The following STX11 variants were observed in gnomAD, a reference collection of about 807,000 sequenced individuals.
The protein encoded by STX11 is syntaxin 11.
STX11 carries 21 observed loss-of-function variants against 19.9 expected under a neutral mutation model. The observed-to-expected ratio is 1.06, with a 90% CI of 0.75 to 1.52. STX11 has a LOEUF of 1.52. Ranked by LOEUF, STX11 falls within the 40% of genes most tolerant of loss-of-function variation. The pLI, the probability that STX11 is intolerant of heterozygous loss-of-function variation, is 0.00. For missense variants in STX11, 438 were observed against 405.9 expected (o/e 1.08, Z -0.68); for synonymous variants, 193 against 174.4 (o/e 1.11, Z -0.84).
Position 144,188,162 on chromosome 6 carries a change from A to C in STX11, c.*671A>C. 4.2e-6 allele frequency: 1 copy of C among 239,046 alleles called. No individual in the cohort carries two copies. Among genetic ancestry groups the C allele is most frequent in the Non-Finnish European group, 8.9e-6 (1 of 112,860 alleles). The allele number at this position is 239,046 out of a possible 1,614,324, so 14.8% of individuals were successfully genotyped here. The stretch of plus-strand genomic sequence containing the variant: ...TTTTCCAAACATTTTTAAGCACTGA[A>C]TATCGAACAAGCACTCAAATTGAAG... On this transcript the variant is annotated 3_prime_UTR_variant, in exon 2 of 2. Transcript: ENST00000367568.
Position 144,169,604 on chromosome 6 carries a change from A to G in STX11, c.-5-17019A>G, listed in dbSNP as rs957759914. On this transcript the variant is annotated intron_variant, in intron 1 of 1. Transcript: ENST00000367568. This position sits in a 1 kb window ranked among gnomAD's most constrained non-coding sequence, Gnocchi z 5.2. ...AAGATCTTCATTTCTAGCTTTATAC[A>G]GTGTTTTCCTCCCTCCTCCCCTTCC... is the stretch of plus-strand genomic sequence containing the variant. 2.6e-5 allele frequency among the ~76,000 whole-genome samples: 4 copies of G among 152,126 alleles called. No homozygotes were observed. The highest frequency in any genetic ancestry group is 6.6e-5 in the Admixed American group (1 of 15,264).
In STX11 at chr6:144,170,419, T is replaced by C. The variant is rs959248499; in HGVS notation, c.-5-16204T>C. On this transcript the variant is annotated intron_variant, in intron 1 of 1. Transcript: ENST00000367568. This position sits in a 1 kb window ranked among gnomAD's most constrained non-coding sequence, Gnocchi z 4.7. ...TTGCAGCTGAAGGGGGATGGGAGGG[T>C]CTTTTTTGCCTTGGGGACACTGAGT... is the stretch of plus-strand genomic sequence containing the variant. Among the ~76,000 whole-genome samples, 1 of 151,802 alleles carries C rather than the reference T, an allele frequency of 6.6e-6. No individual in the cohort carries two copies. The highest frequency in any genetic ancestry group is 2.1e-4 in the South Asian group (1 of 4,800).
At chr6:144,149,391 C>T (rs1299776977), upstream of STX11, among the ~76,000 whole-genome samples, 2 of 152,104 alleles carry the variant, frequency 1.3e-5, no homozygotes, top group African/African-American at 2.4e-5. The surrounding 1 kb of genome is among the most constrained non-coding windows in gnomAD (Gnocchi z 5.1). Context: ...CAAATGGTTC[C>T]ATCTTTGGCA....
Position 144,176,147 on chromosome 6 carries a change from G to A in STX11, c.-5-10476G>A, listed in dbSNP as rs1488770640. Among the ~76,000 whole-genome samples, 1 of 152,144 alleles carries A rather than the reference G, an allele frequency of 6.6e-6. No individual in the cohort carries two copies. The highest frequency in any genetic ancestry group is 1.5e-5 in the Non-Finnish European group (1 of 68,020). ...GGAGGTGGAGAGGGATGCCAGAGAA[G>A]GGAAGAAACAGAGCAGAGAATATTG... On this transcript the variant is annotated intron_variant, in intron 1 of 1. Coordinates refer to ENST00000367568, the MANE Select transcript of STX11 (RefSeq NM_003764.4). The surrounding 1 kb of genome is among the most constrained non-coding windows in gnomAD (Gnocchi z 4.1).
chr6:144,187,515 C>T lies in STX11; in HGVS notation c.*24C>T. On this transcript the variant is annotated 3_prime_UTR_variant, in exon 2 of 2. Transcript: ENST00000367568. This position sits in a 1 kb window ranked among gnomAD's most constrained non-coding sequence, Gnocchi z 5.6. The stretch of plus-strand genomic sequence containing the variant: ...AGCAGGCCGGCCCGGGCCGCCACCG[C>T]CCATCCCAGACCATGGAGCGCGCTG... 6.2e-7 allele frequency: 1 copy of T among 1,611,828 alleles called. No homozygotes were observed. Among genetic ancestry groups the T allele is most frequent in the Non-Finnish European group, 8.5e-7 (1 of 1,179,914 alleles).
Position 144,162,078 on chromosome 6 carries a change from T to C in STX11, c.-6+11375T>C, listed in dbSNP as rs553034134. Reference sequence around the variant, plus strand: ...GCTACCTCTACCGCACTCTAGATTCTCTTTTACCCTGTTCAGAGTCTAATC... The same window carrying C: ...GCTACCTCTACCGCACTCTAGATTCCCTTTTACCCTGTTCAGAGTCTAATC... On this transcript the variant is annotated intron_variant, in intron 1 of 1. Coordinates refer to ENST00000367568, the MANE Select transcript of STX11 (RefSeq NM_003764.4). The surrounding 1 kb of genome is among the most constrained non-coding windows in gnomAD (Gnocchi z 4.6). 2.0e-5 allele frequency among the ~76,000 whole-genome samples: 3 copies of C among 152,226 alleles called. No homozygotes were observed. Among genetic ancestry groups the C allele is most frequent in the Non-Finnish European group, 4.4e-5 (3 of 68,038 alleles).
intron 1 of STX11, among the ~76,000 whole-genome samples, chr6:144,161,726 T>C (rs1801347428): frequency 6.6e-6 from 1 of 152,186 alleles, no homozygotes; most frequent in Non-Finnish European, 1.5e-5. Context: ...TATGGATAGT[T>C]TGTATTTCTG....
chr6:144,141,574 A>G, the STX11 span, among the ~76,000 whole-genome samples: 1 of 152,158 alleles, frequency 6.6e-6, no homozygotes. Context: ...TTCTAAGCTT[A>G]CCTTAAGTTC....
At chr6:144,150,896 G>A (rs1479365618) in intron 1 of STX11, among the ~76,000 whole-genome samples, 193 bp downstream of exon 1, 1 of 150,480 alleles carries the variant, frequency 6.6e-6, no homozygotes, top group African/African-American at 2.4e-5. Flanking sequence ...ACAGCATTGG[G>A]TTTCTCATAT....
At chr6:144,149,473 T>G (rs909425030), upstream of STX11, among the ~76,000 whole-genome samples, 2 of 152,004 alleles carry the variant, frequency 1.3e-5, no homozygotes. The surrounding 1 kb of genome is among the most constrained non-coding windows in gnomAD (Gnocchi z 5.1). Flanking sequence ...TTTAGTTTTA[T>G]TTTTTTTCTT....
rs558797705 is a variant in STX11, at chr6:144,190,583, CTT to C, written c.*3103_*3104del. On this transcript the variant is annotated 3_prime_UTR_variant, in exon 2 of 2. Transcript: ENST00000367568. ...ACCCCATCTTCTGTGAATATTAGGG[CTT>C]TTTTTTTTTTGACAGTCATAAAGAT... Among the ~76,000 whole-genome samples, 10 of 142,994 alleles carry C rather than the reference CTT, an allele frequency of 7.0e-5. No individual in the cohort carries two copies. Among genetic ancestry groups the C allele is most frequent in the East Asian group, 2.0e-4 (1 of 5,020 alleles). 93.8% of individuals were successfully genotyped at this position (142,994 alleles called of 152,430 possible).
Position 144,164,404 on chromosome 6 carries a change from C to A in STX11, c.-6+13701C>A, listed in dbSNP as rs537801665. ...AGTTAACGGTACTTAAAATTGTATGCATTTCATGATTTCTGGGAATGATTC... is the reference window on the plus strand; with the variant it reads ...AGTTAACGGTACTTAAAATTGTATGAATTTCATGATTTCTGGGAATGATTC... On this transcript the variant is annotated intron_variant, in intron 1 of 1. Transcript: ENST00000367568. Among the ~76,000 whole-genome samples, 4 of 152,246 alleles carry A rather than the reference C, an allele frequency of 2.6e-5. No homozygotes were observed. The South Asian group carries it at 8.3e-4, about 32-fold the overall frequency.
chr6:144,162,450 A>T lies in STX11; in HGVS notation c.-6+11747A>T, dbSNP rs1343878599. ...GCTTATGCCTTTAGAAAGTTCCTTT[A>T]GTGGAGTTTTGGAAGGGAGCAAAAG... On this transcript the variant is annotated intron_variant, in intron 1 of 1. Coordinates refer to ENST00000367568, the MANE Select transcript of STX11 (RefSeq NM_003764.4). The surrounding 1 kb of genome is among the most constrained non-coding windows in gnomAD (Gnocchi z 4.6). Among the ~76,000 whole-genome samples the T allele has an allele frequency of 1.3e-5, 2 of 152,316 alleles. No homozygotes were observed. The highest frequency in any genetic ancestry group is 2.9e-5 in the Non-Finnish European group (2 of 68,028).
rs1801043644 is a variant in STX11 at position 144,152,997 on chromosome 6, A to G, written c.-6+2294A>G. Among the ~76,000 whole-genome samples the G allele has an allele frequency of 6.6e-6, 1 of 152,216 alleles. No homozygotes were observed. Among genetic ancestry groups the G allele is most frequent in the South Asian group, 2.1e-4 (1 of 4,832 alleles). The stretch of plus-strand genomic sequence containing the variant: ...TTTATGATCATTGTTTTTGTAGTTC[A>G]AATCAATGTTTTTTATCACATTATA... On this transcript the variant is annotated intron_variant, in intron 1 of 1. Transcript: ENST00000367568. The surrounding 1 kb of genome is among the most constrained non-coding windows in gnomAD (Gnocchi z 4.9).
Position 144,187,016 on chromosome 6 carries a change from C to G in STX11, c.389C>G (p.Ala130Gly). The G allele has an allele frequency of 6.2e-7, 1 of 1,611,480 alleles. No individual in the cohort carries two copies. Among genetic ancestry groups the G allele is most frequent in the Admixed American group, 1.7e-5 (1 of 59,978 alleles). Residue 130 changes from alanine (A) to glycine (G), a missense_variant, in exon 2 of 2, where the codon GCG (alanine) becomes GGG (glycine). Coordinates refer to ENST00000367568, the MANE Select transcript of STX11 (RefSeq NM_003764.4). This position sits in a 1 kb window ranked among gnomAD's most constrained non-coding sequence, Gnocchi z 5.6. The stretch of plus-strand genomic sequence containing the variant: ...TCGGCAGTGGCGCGCATTTCGCGGG[C>G]GCAGTACAACGCGCTCACCCTCACC... ...PHSAVARISR[A>G]QYNALTLTFQ...
At chr6:144,179,909 C>T (rs567957229) in intron 1 of STX11, among the ~76,000 whole-genome samples, 1 of 152,290 alleles carries the variant, frequency 6.6e-6, no homozygotes, top group African/African-American at 2.4e-5. Context: ...GGGTACTGTG[C>T]GTAAGTCCTG....
intron 1 of STX11, 37 bp from the exon 2 acceptor site, chr6:144,186,586 C>T (rs776424940): frequency 5.6e-6 from 9 of 1,613,112 alleles, no homozygotes; most frequent in Admixed American, 1.7e-5. Context: ...ATTTGACTCT[C>T]AATAGAGAAA....
intron 1 of STX11, among the ~76,000 whole-genome samples, chr6:144,171,340 A>T (rs1217494450): frequency 6.6e-6 from 1 of 152,084 alleles, no homozygotes; most frequent in Non-Finnish European, 1.5e-5. Flanking sequence ...CATCCCACTA[A>T]TTTTTGCTCT....
At position 144,169,798 on chromosome 6, in the gene STX11, A is replaced by C. The variant is rs1187535670; in HGVS notation, c.-5-16825A>C. 2.0e-5 allele frequency among the ~76,000 whole-genome samples: 3 copies of C among 151,544 alleles called. No individual in the cohort carries two copies. On this transcript the variant is annotated intron_variant, in intron 1 of 1. Transcript: ENST00000367568. This position sits in a 1 kb window ranked among gnomAD's most constrained non-coding sequence, Gnocchi z 5.2. ...ACTCCTGGGCTCAAGTGATACTCTGACCTCATCCTCTTGAGTAGCTAGGAC... is the reference window on the plus strand; with the variant it reads ...ACTCCTGGGCTCAAGTGATACTCTGCCCTCATCCTCTTGAGTAGCTAGGAC...
Sources: allele counts gnomAD v4.1 joint callset (sites outside exome capture counted in the v4.1 genomes callset), GRCh38; gene constraint gnomAD v4.1.1; non-coding constraint Gnocchi (gnomAD v3.1); transcripts MANE v1.5; gene names NCBI Gene and HGNC (gene_info 2026-07-23, HGNC 2026-07-21).